CTNND2: variants seen among roughly 807,000 people sequenced by gnomAD.
CTNND2 encodes the protein catenin delta-2.
In CTNND2, 22 loss-of-function variants were observed where a neutral mutation model predicts 144.4. The ratio of observed to expected loss-of-function variants is 0.15; its 90% CI spans 0.11 to 0.22. The LOEUF is 0.22. CTNND2 is among the 10% of genes least tolerant of loss of function. The probability of loss-of-function intolerance (pLI) is 1.00; values close to 1 mark genes in which losing one functional copy is unlikely to be tolerated. For missense variants in CTNND2, 1,353 were observed against 1,618.8 expected (o/e 0.84, Z 2.82); for synonymous variants, 751 against 695.6 (o/e 1.08, Z -1.25).
chr5:11,625,183 C>T (rs745370691), intron 2 of CTNND2, among the ~76,000 whole-genome samples: 1 of 152,048 alleles, frequency 6.6e-6, no homozygotes, highest in Non-Finnish European at 1.5e-5. Context: ...TGCTTCTAAT[C>T]TTCATAGGAA....
Position 11,580,288 on chromosome 5 carries a change from G to A in CTNND2, c.175-15232C>T, listed in dbSNP as rs185568733. 7.2e-5 allele frequency among the ~76,000 whole-genome samples: 11 copies of A among 152,184 alleles called. 1 individual carries two copies. Among genetic ancestry groups the A allele is most frequent in the Admixed American group, 5.9e-4 (9 of 15,294 alleles). On this transcript the variant is annotated intron_variant, in intron 2 of 21. Coordinates refer to ENST00000304623, the MANE Select transcript of CTNND2 (RefSeq NM_001332.4). ...CCATGGTTAACCAGTTGCTAAGTGAGGAAACAGATATTCAGTATATAATTT... is the reference window on the plus strand; with the variant it reads ...CCATGGTTAACCAGTTGCTAAGTGAAGAAACAGATATTCAGTATATAATTT...
chr5:11,578,251 G>T (rs1028142907), intron 2 of CTNND2, among the ~76,000 whole-genome samples: 1 of 152,098 alleles, frequency 6.6e-6, no homozygotes, highest in Admixed American at 6.5e-5. Flanking sequence ...GTACCCTAAC[G>T]TAATAGCATA....
intron 3 of CTNND2, among the ~76,000 whole-genome samples, chr5:11,430,181 G>A (rs867409565): frequency 6.0e-5 from 9 of 149,222 alleles, no homozygotes; most frequent in East Asian, 2.0e-4. Flanking sequence ...AACCCGGAGC[G>A]GAAGTTTCAG....
Position 11,384,806 on chromosome 5 carries a change from T to C in CTNND2, c.1036A>G (p.Ile346Val), listed in dbSNP as rs765997095. The change falls in exon 7 of 22, where the codon ATC becomes GTC. Residue 346 changes from isoleucine (I) to valine (V), a missense_variant. By Grantham distance (29) the Ile-to-Val change is conservative. Around this residue, in one of 4 missense-constraint regions of CTNND2, gnomAD observed 708 missense variants for 706.4 expected, o/e 1.00. Transcript: ENST00000304623. This position sits in a 1 kb window ranked among gnomAD's most constrained non-coding sequence, Gnocchi z 5.2. ...CCGATGGTGGAGCTCAGCTGGTGGATGGGCGAGGAGGAGATGGTGGACTGC... is the reference window on the plus strand; with the variant it reads ...CCGATGGTGGAGCTCAGCTGGTGGACGGGCGAGGAGGAGATGGTGGACTGC... ...TVQSTISSSP[I>V]HQLSSTIGTY... 3 of 1,612,898 alleles carry C rather than the reference T, an allele frequency of 1.9e-6. No individual in the cohort carries two copies. Among genetic ancestry groups the C allele is most frequent in the East Asian group, 4.5e-5 (2 of 44,830 alleles).
intron 15 of CTNND2, among the ~76,000 whole-genome samples, chr5:11,083,173 G>A (rs112079451): frequency 3.6e-4 from 55 of 152,282 alleles, no homozygotes; most frequent in African/African-American, 1.2e-3. Context: ...TGGGACAAGC[G>A]GATGTGGCCA....
chr5:11,381,817 A>G (rs1047523878), intron 7 of CTNND2, among the ~76,000 whole-genome samples: 25 of 151,980 alleles, frequency 1.6e-4, no homozygotes, highest in Non-Finnish European at 3.1e-4. Flanking sequence ...AATACAAAAA[A>G]TTAGCCAGGC....
At position 11,136,552 on chromosome 5, in the gene CTNND2, G is replaced by A. The variant is rs185489284; in HGVS notation, c.2160-18985C>T. Reference sequence around the variant, plus strand: ...TGTTGTTATGCACCAGCAGTGCTACGCTTGTGGAATAGATATGTGTGTCAC... The same window carrying A: ...TGTTGTTATGCACCAGCAGTGCTACACTTGTGGAATAGATATGTGTGTCAC... On this transcript the variant is annotated intron_variant, in intron 12 of 21. Transcript: ENST00000304623. 5.5e-4 allele frequency among the ~76,000 whole-genome samples: 83 copies of A among 151,886 alleles called. No homozygotes were observed. In the East Asian group the frequency reaches 0.012, roughly 21 times the overall value.
intron 15 of CTNND2, among the ~76,000 whole-genome samples, chr5:11,096,947 G>A (rs1390520770): frequency 1.3e-5 from 2 of 152,180 alleles, no homozygotes; most frequent in African/African-American, 4.8e-5. Flanking sequence ...TGCAAGGCAG[G>A]GGAGCTGGGT....
intron 1 of CTNND2, among the ~76,000 whole-genome samples, chr5:11,823,878 C>T (rs1696767076): frequency 6.6e-6 from 1 of 151,938 alleles, no homozygotes; most frequent in African/African-American, 2.4e-5. Flanking sequence ...GAGGCTGAGG[C>T]AGGCAGATTA....
At chr5:11,669,158 C>T (rs765007431) in intron 2 of CTNND2, among the ~76,000 whole-genome samples, 1 of 152,148 alleles carries the variant, frequency 6.6e-6, no homozygotes, top group Non-Finnish European at 1.5e-5. Flanking sequence ...CTGCTGGATT[C>T]AGTCTGCCAG....
At chr5:11,776,138 C>A (rs896392535) in intron 1 of CTNND2, among the ~76,000 whole-genome samples, 3 of 152,118 alleles carry the variant, frequency 2.0e-5, no homozygotes, top group African/African-American at 7.2e-5. Context: ...GTGTTGTACA[C>A]CGCTCAGTTT....
intron 9 of CTNND2, among the ~76,000 whole-genome samples, chr5:11,261,703 C>T (rs1744875777): frequency 6.6e-6 from 1 of 152,228 alleles, no homozygotes; most frequent in Non-Finnish European, 1.5e-5. Context: ...AAACCTTGGT[C>T]TTTCTAACCT....
At chr5:11,600,705 C>CAAAAAAAAAAAAAAAAA (rs755277116) in intron 2 of CTNND2, among the ~76,000 whole-genome samples, 1 of 80,606 alleles carries the variant, frequency 1.2e-5, no homozygotes. Context: ...GATTCTGTCT[C>CAAAAAAAAAAAAAAAAA]AAAAAAAAAA....
intron 9 of CTNND2, among the ~76,000 whole-genome samples, chr5:11,311,004 C>T (rs922939022): frequency 4.7e-5 from 7 of 148,302 alleles, no homozygotes; most frequent in Non-Finnish European, 1.0e-4. Context: ...CATGCACCCT[C>T]ACCCCACACA....
chr5:11,764,527 G>C (rs971102365), intron 1 of CTNND2, among the ~76,000 whole-genome samples: 1 of 152,142 alleles, frequency 6.6e-6, no homozygotes, highest in African/African-American at 2.4e-5. Flanking sequence ...ACTAGTCCCT[G>C]ATGCTCATAT....
intron 1 of CTNND2, among the ~76,000 whole-genome samples, chr5:11,846,466 G>A (rs898990277): frequency 6.6e-6 from 1 of 152,120 alleles, no homozygotes; most frequent in Non-Finnish European, 1.5e-5. Context: ...AGACTTAAAT[G>A]TAAGACCCAA....
intron 16 of CTNND2, among the ~76,000 whole-genome samples, chr5:11,032,555 T>G (rs1156337629): frequency 6.6e-6 from 1 of 152,220 alleles, no homozygotes; most frequent in Non-Finnish European, 1.5e-5. Flanking sequence ...AATGTCTGAA[T>G]GCTTGTTAAT....
chr5:11,801,140 CGTT>C, intron 1 of CTNND2, among the ~76,000 whole-genome samples: 1 of 152,264 alleles, frequency 6.6e-6, no homozygotes, highest in East Asian at 1.9e-4. Flanking sequence ...ACTCTTTTGT[CGTT>C]GTTGTTCTGT....
intron 14 of CTNND2, among the ~76,000 whole-genome samples, chr5:11,101,804 T>G (rs1751907867): frequency 6.6e-6 from 1 of 151,972 alleles, no homozygotes; most frequent in Admixed American, 6.6e-5. Context: ...AAAGAGCACA[T>G]GAAGACAAAG....
Sources: gnomAD v4.1 joint callset for allele counts (sites outside exome capture counted in the v4.1 genomes callset) on GRCh38, gnomAD v4.1.1 for gene constraint, gnomAD v4.1.1 regional missense constraint, Gnocchi (gnomAD v3.1) non-coding constraint, MANE v1.5 for transcripts, NCBI Gene and HGNC (gene_info 2026-07-23, HGNC 2026-07-21) for gene names.